The following PTPRG variants were observed in gnomAD, a reference collection of about 807,000 sequenced individuals.
PTPRG encodes protein tyrosine phosphatase receptor type G.
In PTPRG, 102 loss-of-function variants were observed where a neutral mutation model predicts 165.3. That is an observed-to-expected ratio of 0.62 (90% CI 0.53 to 0.73). The LOEUF (loss-of-function observed/expected upper bound fraction) is 0.73, where lower values mean the gene tolerates loss of function less well. Ranked by LOEUF, PTPRG falls within the 30% of genes least tolerant of loss-of-function variation. The pLI is 0.00. For synonymous variants in PTPRG, 675 were observed against 669.5 expected (o/e 1.01, Z -0.13); for missense variants, 1,866 against 1,861.4 (o/e 1.00, Z -0.05).
chr3:61,905,612 G>A (rs2038626051), intron 2 of PTPRG, among the ~76,000 whole-genome samples: 1 of 152,220 alleles, frequency 6.6e-6, no homozygotes. Context: ...CATCTCCGGA[G>A]CATTCTGTGT....
intron 1 of PTPRG, among the ~76,000 whole-genome samples, chr3:61,692,364 T>G (rs754148128): frequency 6.6e-6 from 1 of 152,232 alleles, no homozygotes; most frequent in Non-Finnish European, 1.5e-5. Flanking sequence ...TCCATAGAGT[T>G]GATGTATTAA....
At chr3:61,647,381 T>C (rs1457154082) in intron 1 of PTPRG, among the ~76,000 whole-genome samples, 1 of 152,072 alleles carries the variant, frequency 6.6e-6, no homozygotes, top group East Asian at 1.9e-4. Context: ...TCATAACAAC[T>C]CCCCAAAGGA....
At chr3:61,632,995 C>A (rs6785998) in intron 1 of PTPRG, among the ~76,000 whole-genome samples, 30,744 of 152,074 alleles carry the variant, frequency 0.2, 4,255 homozygotes, top group African/African-American at 0.39. Context: ...CTTACACATG[C>A]TGTTCAGTTA....
chr3:61,882,871 T>G (rs774880780), intron 2 of PTPRG, among the ~76,000 whole-genome samples: 9 of 152,208 alleles, frequency 5.9e-5, no homozygotes, highest in Non-Finnish European at 8.8e-5. Context: ...AAAATCTCCT[T>G]CAGTATTCAG....
At chr3:62,001,593 T>G (rs2041173304) in intron 3 of PTPRG, among the ~76,000 whole-genome samples, 1 of 151,332 alleles carries the variant, frequency 6.6e-6, no homozygotes, top group South Asian at 2.1e-4. Flanking sequence ...GATATTTTAT[T>G]ATATCTGTAT....
At chr3:61,618,392 A>G (rs1333041703) in intron 1 of PTPRG, among the ~76,000 whole-genome samples, 3 of 152,182 alleles carry the variant, frequency 2.0e-5, no homozygotes, top group East Asian at 3.8e-4. Flanking sequence ...TCCTGCTCAC[A>G]TTTGAATTGT....
At chr3:62,183,470 A>C (rs1705739686) in intron 8 of PTPRG, among the ~76,000 whole-genome samples, 2 of 151,828 alleles carry the variant, frequency 1.3e-5, no homozygotes, top group Non-Finnish European at 2.9e-5. Flanking sequence ...AGGCTGAGGC[A>C]TGAGAATTGC....
At chr3:62,037,757 G>A (rs1029369364) in intron 4 of PTPRG, among the ~76,000 whole-genome samples, 3 of 152,182 alleles carry the variant, frequency 2.0e-5, no homozygotes, top group African/African-American at 7.2e-5. Flanking sequence ...GAAAGGCCCA[G>A]GTCAAAATGC....
At chr3:61,579,585 T>A (rs143526589) in intron 1 of PTPRG, among the ~76,000 whole-genome samples, 4 of 152,364 alleles carry the variant, frequency 2.6e-5, no homozygotes. Flanking sequence ...AAATTTGCCC[T>A]GTATCACGTA....
chr3:61,590,564 G>A (rs34547689), intron 1 of PTPRG, among the ~76,000 whole-genome samples: 8,031 of 151,864 alleles, frequency 0.053, 297 homozygotes, highest in East Asian at 0.088. Flanking sequence ...TTTTTTCTTA[G>A]AACATTTCAA....
chr3:61,708,026 G>T (rs955701843), intron 1 of PTPRG, among the ~76,000 whole-genome samples: 1 of 151,966 alleles, frequency 6.6e-6, no homozygotes, highest in East Asian at 1.9e-4. Flanking sequence ...TGAGCTGAAG[G>T]GATCCACCCA....
rs1264469737 is a variant in PTPRG, at chr3:62,229,616, A to G, written c.2289-1609A>G. Among the ~76,000 whole-genome samples the G allele has an allele frequency of 6.6e-6, 1 of 152,216 alleles. No homozygotes were observed. The highest frequency in any genetic ancestry group is 2.4e-5 in the African/African-American group (1 of 41,458). On this transcript the variant is annotated intron_variant, in intron 13 of 29. Coordinates refer to ENST00000474889, the MANE Select transcript of PTPRG (RefSeq NM_002841.4). The surrounding 1 kb of genome is among the most constrained non-coding windows in gnomAD (Gnocchi z 4.6). Reference sequence around the variant, plus strand: ...TTTTCAGGAAAGGGAAGCTCCTTGTATGTTCAGTCTATTCTAGGTAACAAC... The same window carrying G: ...TTTTCAGGAAAGGGAAGCTCCTTGTGTGTTCAGTCTATTCTAGGTAACAAC...
intron 6 of PTPRG, among the ~76,000 whole-genome samples, chr3:62,155,939 G>T (rs898921419): frequency 6.6e-6 from 1 of 152,152 alleles, no homozygotes; most frequent in South Asian, 2.1e-4. Context: ...CCATGAGCAG[G>T]ACTCCAGTAG....
intron 2 of PTPRG, among the ~76,000 whole-genome samples, chr3:61,891,463 A>G (rs2038212129): frequency 6.6e-6 from 1 of 152,170 alleles, no homozygotes; most frequent in African/African-American, 2.4e-5. Context: ...AAACCATTTA[A>G]TTTTAGTCTG....
chr3:61,958,080 T>A (rs903860808), intron 2 of PTPRG, among the ~76,000 whole-genome samples: 2 of 152,180 alleles, frequency 1.3e-5, no homozygotes, highest in African/African-American at 4.8e-5. Context: ...AATTTCTGCC[T>A]GTTTAGGGGC....
At chr3:61,597,351 C>G (rs776304246) in intron 1 of PTPRG, among the ~76,000 whole-genome samples, 15 of 152,134 alleles carry the variant, frequency 9.9e-5, no homozygotes, top group Admixed American at 2.0e-4. Context: ...TGCAGATGCT[C>G]AAGTCCCTTA....
chr3:62,169,838 C>T (rs988300450), intron 8 of PTPRG, among the ~76,000 whole-genome samples: 4 of 152,006 alleles, frequency 2.6e-5, no homozygotes, highest in Admixed American at 1.3e-4. Flanking sequence ...AGTGCCCCCA[C>T]CCCCAACAAA....
At chr3:62,227,106 A>G (rs1700780541) in intron 13 of PTPRG, among the ~76,000 whole-genome samples, 1 of 152,174 alleles carries the variant, frequency 6.6e-6, no homozygotes, top group Non-Finnish European at 1.5e-5. Flanking sequence ...CGAGAGTGGC[A>G]TGTGGTAACA....
intron 2 of PTPRG, among the ~76,000 whole-genome samples, chr3:61,849,659 A>G (rs11708502): frequency 0.25 from 38,663 of 152,136 alleles, 5,823 homozygotes; most frequent in East Asian, 0.51. Context: ...GCACTGAGAC[A>G]TTGTATTTTT....
Sources: allele counts gnomAD v4.1 joint callset (sites outside exome capture counted in the v4.1 genomes callset), GRCh38; gene constraint gnomAD v4.1.1; non-coding constraint Gnocchi (gnomAD v3.1); transcripts MANE v1.5; gene names NCBI Gene and HGNC (gene_info 2026-07-23, HGNC 2026-07-21).